The following CDC123 variants were observed in gnomAD, a reference collection of about 807,000 sequenced individuals.
CDC123 encodes the protein cell division cycle 123.
A neutral mutation model predicts 54.4 loss-of-function variants in CDC123; 37 were observed. The ratio of observed to expected loss-of-function variants is 0.68; its 90% CI spans 0.52 to 0.89. The LOEUF is 0.89. Among genes scored for constraint, CDC123 ranks in the 40% least tolerant of loss-of-function variants. The pLI, the probability that CDC123 is intolerant of heterozygous loss-of-function variation, is 0.00. For synonymous variants in CDC123, 144 were observed against 136.8 expected, an observed-to-expected ratio of 1.05 and a Z score of -0.37; for missense variants, 361 against 412.1, an observed-to-expected ratio of 0.88 and a Z score of 1.07.
chr10:12,242,866 CAGG>C (rs1400916834), intron 10 of CDC123, among the ~76,000 whole-genome samples: 2 of 151,784 alleles, frequency 1.3e-5, no homozygotes, highest in East Asian at 3.9e-4. Flanking sequence ...CACTTGAGCC[CAGG>C]AGGAGGAGGT....
chr10:12,231,443 C>CT (rs1835901001), intron 7 of CDC123, among the ~76,000 whole-genome samples: 1 of 151,798 alleles, frequency 6.6e-6, no homozygotes, highest in African/African-American at 2.4e-5. Flanking sequence ...GCCATCATGG[C>CT]GAAACCCCGC....
Position 12,249,578 on chromosome 10 carries a change from C to G in CDC123, c.847-3C>G. 1 of 1,609,220 alleles carries G rather than the reference C, an allele frequency of 6.2e-7. No individual in the cohort carries two copies. The highest frequency in any genetic ancestry group is 8.5e-7 in the Non-Finnish European group (1 of 1,178,736). ...TTCTTTCTCCTTTTTCTTCTTTGTA[C>G]AGGATTCCCCAGCTTTCCGTTGCAC... On this transcript the variant is annotated splice_polypyrimidine_tract_variant and splice_region_variant and intron_variant, in intron 11 of 12. Coordinates refer to ENST00000281141, the MANE Select transcript of CDC123 (RefSeq NM_006023.3).
chr10:12,198,352 T>A (rs1025889867), intron 1 of CDC123, among the ~76,000 whole-genome samples: 1 of 152,204 alleles, frequency 6.6e-6, no homozygotes, highest in Non-Finnish European at 1.5e-5. Context: ...TTGGGTTTGC[T>A]GCATTTCCTG....
At chr10:12,248,351 T>C (rs1836186756) in intron 11 of CDC123, among the ~76,000 whole-genome samples, 2 of 149,832 alleles carry the variant, frequency 1.3e-5, no homozygotes, top group African/African-American at 4.9e-5. Flanking sequence ...CTACTAAAAA[T>C]ACAAAAAATT....
At chr10:12,237,832 TACAGAGA>T (rs1836000277) in intron 9 of CDC123, among the ~76,000 whole-genome samples, 2 of 152,234 alleles carry the variant, frequency 1.3e-5, no homozygotes, top group South Asian at 4.1e-4. Context: ...AGGGGCTATC[TACAGAGA>T]ACAAAGTCTA....
chr10:12,198,182 T>C (rs754097007), intron 1 of CDC123, among the ~76,000 whole-genome samples: 1 of 152,222 alleles, frequency 6.6e-6, no homozygotes, highest in Non-Finnish European at 1.5e-5. Flanking sequence ...GCTTTATATC[T>C]CTGGTGATCA....
At chr10:12,227,179 A>C (rs1835833635) in intron 6 of CDC123, among the ~76,000 whole-genome samples, 1 of 149,690 alleles carries the variant, frequency 6.7e-6, no homozygotes, top group Non-Finnish European at 1.5e-5. Context: ...TCAGGCAGGG[A>C]GGTTGCAGTG....
At chr10:12,219,984 G>A (rs774753481) in intron 6 of CDC123, among the ~76,000 whole-genome samples, 16 of 151,998 alleles carry the variant, frequency 1.1e-4, no homozygotes, top group Non-Finnish European at 1.9e-4. Context: ...CACCGCACCC[G>A]GCCATGCCCA....
At chr10:12,202,277 T>C (rs1355433370) in intron 2 of CDC123, among the ~76,000 whole-genome samples, 2 of 152,168 alleles carry the variant, frequency 1.3e-5, no homozygotes, top group Non-Finnish European at 2.9e-5. Context: ...CCTTTCTTAG[T>C]TCAGTTTCGT....
In CDC123 at chr10:12,225,542, A is replaced by G. The variant is rs1346301854; in HGVS notation, c.441-5406A>G. Among the ~76,000 whole-genome samples, 9 of 152,270 alleles carry G rather than the reference A, an allele frequency of 5.9e-5. No individual in the cohort carries two copies. In the South Asian group the frequency reaches 6.2e-4, roughly 11 times the overall value. On this transcript the variant is annotated intron_variant, in intron 6 of 12. Transcript: ENST00000281141. Reference sequence around the variant, plus strand: ...AAACCTGTGTTCTAGAAGCTCTGACACACCCTGAGGTTCAGCGTGCAGTAA... The same window carrying G: ...AAACCTGTGTTCTAGAAGCTCTGACGCACCCTGAGGTTCAGCGTGCAGTAA...
At chr10:12,239,568 C>T (rs746526345) in intron 10 of CDC123, among the ~76,000 whole-genome samples, 5 of 151,814 alleles carry the variant, frequency 3.3e-5, no homozygotes, top group African/African-American at 1.2e-4. Context: ...CAAAATTAGC[C>T]GGGCATGGTG....
intron 10 of CDC123, among the ~76,000 whole-genome samples, chr10:12,241,851 C>T (rs148885125): frequency 1.3e-5 from 2 of 152,260 alleles, no homozygotes; most frequent in African/African-American, 4.8e-5. Context: ...CTGAGACTGT[C>T]GCCTTCTGGA....
intron 6 of CDC123, among the ~76,000 whole-genome samples, chr10:12,219,749 A>G (rs1003378754): frequency 1.3e-5 from 2 of 150,220 alleles, no homozygotes; most frequent in African/African-American, 4.9e-5. Flanking sequence ...CAGTGGTGCA[A>G]TCTTGGCTCA....
chr10:12,223,161 T>C (rs565801863), intron 6 of CDC123, among the ~76,000 whole-genome samples: 194 of 152,350 alleles, frequency 1.3e-3, no homozygotes, highest in African/African-American at 4.6e-3. Flanking sequence ...CCCGAAGTGC[T>C]GGGATTACAG....
At chr10:12,203,399 T>A (rs1481436220) in intron 2 of CDC123, among the ~76,000 whole-genome samples, 1 of 152,246 alleles carries the variant, frequency 6.6e-6, no homozygotes, top group African/African-American at 2.4e-5. Context: ...TGGTAACCTC[T>A]ACTGAGTTCA....
intron 6 of CDC123, among the ~76,000 whole-genome samples, chr10:12,230,524 G>T (rs1034868579): frequency 2.6e-5 from 4 of 152,170 alleles, no homozygotes; most frequent in Non-Finnish European, 5.9e-5. Context: ...ATACAAACAG[G>T]CCATGCCTAA....
chr10:12,228,238 A>G (rs553043725), intron 6 of CDC123, among the ~76,000 whole-genome samples: 91 of 152,226 alleles, frequency 6.0e-4, no homozygotes, highest in African/African-American at 2.2e-3. Context: ...CCAGTCCTTA[A>G]TTTTTATTGA....
intron 12 of CDC123, 141 bp from the exon 13 acceptor site, chr10:12,250,170 T>C (rs1020868626): frequency 3.8e-6 from 2 of 526,504 alleles, no homozygotes; most frequent in African/African-American, 3.9e-5. Context: ...AGTGATAAAC[T>C]AGTTTAATGA....
chr10:12,208,040 CTT>C (rs1835544381), intron 2 of CDC123, among the ~76,000 whole-genome samples: 1 of 152,162 alleles, frequency 6.6e-6, no homozygotes, highest in Non-Finnish European at 1.5e-5. Context: ...GTTTTCCAAA[CTT>C]TTGTTGCCCT....
Sources: gnomAD v4.1 joint callset for allele counts (sites outside exome capture counted in the v4.1 genomes callset) on GRCh38, gnomAD v4.1.1 for gene constraint, MANE v1.5 for transcripts, NCBI Gene and HGNC (gene_info 2026-07-23, HGNC 2026-07-21) for gene names.